GPC5: variants seen among roughly 807,000 people sequenced by gnomAD.
The protein encoded by GPC5 is glypican 5, also known as glypican-5.
In GPC5, 47 loss-of-function variants were observed where a neutral mutation model predicts 53.9. The ratio of observed to expected loss-of-function variants is 0.87; its 90% CI spans 0.69 to 1.11. The LOEUF is 1.11. Among genes scored for constraint, GPC5 ranks in the 50% most tolerant of loss-of-function variants. The probability of loss-of-function intolerance (pLI) is 0.00; values close to 1 mark genes in which losing one functional copy is unlikely to be tolerated. For synonymous variants in GPC5, 286 were observed against 263.3 expected (o/e 1.09, Z -0.84); for missense variants, 748 against 713.1 (o/e 1.05, Z -0.56).
At chr13:92,147,092 A>G (rs1010767386) in intron 7 of GPC5, among the ~76,000 whole-genome samples, 1 of 152,118 alleles carries the variant, frequency 6.6e-6, no homozygotes, top group Non-Finnish European at 1.5e-5. Context: ...CTATGTCATT[A>G]TATAAGAAAG....
intron 2 of GPC5, among the ~76,000 whole-genome samples, chr13:91,513,466 C>T (rs376707560): frequency 5.4e-4 from 82 of 152,076 alleles, no homozygotes; most frequent in African/African-American, 1.9e-3. Flanking sequence ...CTGGGCTGGG[C>T]GCGGTGGCTC....
At position 92,052,722 on chromosome 13, in the gene GPC5, C is replaced by A. The variant is rs567618482; in HGVS notation, c.1402-92108C>A. Among the ~76,000 whole-genome samples the A allele has an allele frequency of 4.7e-4, 71 of 152,274 alleles. 1 individual carries two copies. The highest frequency in any genetic ancestry group is 1.6e-3 in the African/African-American group (65 of 41,562). On this transcript the variant is annotated intron_variant, in intron 6 of 7. Coordinates refer to ENST00000377067, the MANE Select transcript of GPC5 (RefSeq NM_004466.6). ...AAAGTTTTCCAAGTCCCCACTTGAG[C>A]CAGGAAGTCCAGCTGGCTTCACCTC...
chr13:92,339,512 C>T (rs1225233617), intron 7 of GPC5, among the ~76,000 whole-genome samples: 1 of 152,000 alleles, frequency 6.6e-6, no homozygotes, highest in Admixed American at 6.6e-5. Context: ...TACACTTCTG[C>T]TATGTTTATT....
intron 7 of GPC5, among the ~76,000 whole-genome samples, chr13:92,206,138 G>A (rs1248548654): frequency 9.1e-5 from 13 of 143,124 alleles, no homozygotes; most frequent in Non-Finnish European, 1.1e-4. Flanking sequence ...TGTTGTTATC[G>A]TTGTTGTGTT....
intron 7 of GPC5, among the ~76,000 whole-genome samples, chr13:92,409,987 C>T (rs1019779907): frequency 2.6e-5 from 4 of 152,178 alleles, no homozygotes; most frequent in South Asian, 2.1e-4. Flanking sequence ...TGTATGCACA[C>T]GCATGCCTGT....
chr13:91,948,227 CAA>C (rs59185061), intron 6 of GPC5, among the ~76,000 whole-genome samples: 91 of 132,522 alleles, frequency 6.9e-4, no homozygotes, highest in South Asian at 2.4e-3. Context: ...GACTCTGTCT[CAA>C]AAAAAAAAAA....
At chr13:91,738,102 G>A (rs983901106) in intron 4 of GPC5, among the ~76,000 whole-genome samples, 1 of 151,276 alleles carries the variant, frequency 6.6e-6, no homozygotes, top group African/African-American at 2.5e-5. Flanking sequence ...AATTTGCCTT[G>A]TTACACAGGT....
At chr13:91,650,750 G>GTTTTGTTTTTTTTTTTTTTTTTTTTTT (rs1555333961) in intron 2 of GPC5, among the ~76,000 whole-genome samples, 1 of 99,642 alleles carries the variant, frequency 1.0e-5, no homozygotes, top group African/African-American at 4.1e-5. Context: ...ATTCCCATAA[G>GTTTTGTTTTTTTTTTTTTTTTTTTTTT]TTTTTTTTTT....
intron 5 of GPC5, among the ~76,000 whole-genome samples, chr13:91,806,396 T>C (rs2038222530): frequency 6.6e-6 from 1 of 151,682 alleles, no homozygotes; most frequent in South Asian, 2.1e-4. Context: ...AATTTATTTT[T>C]TAATTTAATT....
Position 92,001,026 on chromosome 13 carries a change from C to T in GPC5, c.1401+92969C>T, listed in dbSNP as rs1029290463. ...TCACCATTCCTGGCTCAGTGCCTGC[C>T]ACAAACTGTACTTTAAGTAAGTATG... On this transcript the variant is annotated intron_variant, in intron 6 of 7. Coordinates refer to ENST00000377067, the MANE Select transcript of GPC5 (RefSeq NM_004466.6). Among the ~76,000 whole-genome samples the T allele has an allele frequency of 3.3e-5, 5 of 152,132 alleles. No individual in the cohort carries two copies. The South Asian group carries it at 6.2e-4, about 19-fold the overall frequency.
intron 7 of GPC5, among the ~76,000 whole-genome samples, chr13:92,167,184 T>G (rs2042037798): frequency 6.6e-6 from 1 of 152,150 alleles, no homozygotes; most frequent in Non-Finnish European, 1.5e-5. Context: ...GAAGTGAAAA[T>G]TAATTGTAGA....
chr13:91,900,451 G>A (rs2039486386), intron 5 of GPC5, among the ~76,000 whole-genome samples: 1 of 151,970 alleles, frequency 6.6e-6, no homozygotes, highest in African/African-American at 2.4e-5. Context: ...ATTTTAAAAT[G>A]CATTCCTGGA....
At chr13:92,667,204 G>A (rs1886604494) in intron 7 of GPC5, among the ~76,000 whole-genome samples, 1 of 152,156 alleles carries the variant, frequency 6.6e-6, no homozygotes, top group South Asian at 2.1e-4. Context: ...GTGTGTCTGT[G>A]TGTGTACGGA....
chr13:92,412,331 C>T (rs1017044658), intron 7 of GPC5, among the ~76,000 whole-genome samples: 1 of 152,052 alleles, frequency 6.6e-6, no homozygotes, highest in African/African-American at 2.4e-5. Context: ...GTGAGTAAAA[C>T]AGACAACCCT....
intron 6 of GPC5, among the ~76,000 whole-genome samples, chr13:92,048,739 A>G (rs1405911652): frequency 2.6e-5 from 4 of 152,270 alleles, no homozygotes; most frequent in African/African-American, 9.6e-5. Context: ...GAAATTTTTA[A>G]ATGTGTTTTA....
At chr13:91,756,583 C>A in intron 5 of GPC5, 163 bp downstream of exon 5, 1 of 524,154 alleles carries the variant, frequency 1.9e-6, no homozygotes. Context: ...AACAACAAAA[C>A]CTGATCCTTT....
At chr13:92,541,917 G>T (rs559254725) in intron 7 of GPC5, among the ~76,000 whole-genome samples, 1 of 151,816 alleles carries the variant, frequency 6.6e-6, no homozygotes. Flanking sequence ...GCTTATGTTA[G>T]ATTAAATGAC....
At chr13:91,996,019 T>C (rs1481822336) in intron 6 of GPC5, 1 of 152,230 alleles carries the variant, frequency 6.6e-6, no homozygotes, top group Admixed American at 6.5e-5. Flanking sequence ...CTTTGGGTTG[T>C]GGCACTTGAA....
chr13:92,098,411 T>G (rs1300869674), intron 6 of GPC5, among the ~76,000 whole-genome samples: 2 of 152,214 alleles, frequency 1.3e-5, no homozygotes, highest in African/African-American at 4.8e-5. Flanking sequence ...CTGTCCTAAT[T>G]TCTATTTCAG....
Sources: allele counts gnomAD v4.1 joint callset (sites outside exome capture counted in the v4.1 genomes callset), GRCh38; gene constraint gnomAD v4.1.1; transcripts MANE v1.5; gene names NCBI Gene and HGNC (gene_info 2026-07-23, HGNC 2026-07-21).